NCKIPSD: variants seen among roughly 807,000 people sequenced by gnomAD.
NCKIPSD encodes NCK-interacting protein with SH3 domain.
In NCKIPSD, 48 loss-of-function variants were observed where a neutral mutation model predicts 73.4. The observed-to-expected ratio is 0.65, with a 90% CI of 0.52 to 0.83. The LOEUF is 0.83. NCKIPSD is among the 40% of genes least tolerant of loss of function. The pLI is 0.00. For synonymous variants in NCKIPSD, 422 were observed against 403.6 expected, an observed-to-expected ratio of 1.05 and a Z score of -0.54; for missense variants, 884 against 970.2, an observed-to-expected ratio of 0.91 and a Z score of 1.18.
intron 12 of NCKIPSD, 28 bp downstream of exon 12, chr3:48,678,536 C>G: frequency 6.3e-7 from 1 of 1,590,630 alleles, no homozygotes; most frequent in Non-Finnish European, 8.6e-7. Flanking sequence ...ACACAGTGAC[C>G]CCCGCTGCTG....
chr3:48,674,801 C>T, intron 12 of NCKIPSD, 54 bp from the exon 13 acceptor site: 1 of 1,582,010 alleles, frequency 6.3e-7, no homozygotes, highest in Non-Finnish European at 8.6e-7. Context: ...GCAACCACCA[C>T]TGGACAGGGA....
chr3:48,685,195 G>GGA (rs2077416770), intron 1 of NCKIPSD, among the ~76,000 whole-genome samples: 1 of 2,700 alleles, frequency 3.7e-4, no homozygotes, highest in Admixed American at 9.4e-3. Context: ...AGAAGGAAGG[G>GGA]AGGGAGGGAG....
intron 12 of NCKIPSD, among the ~76,000 whole-genome samples, chr3:48,676,222 C>T (rs1357777399): frequency 2.0e-5 from 3 of 150,014 alleles, no homozygotes; most frequent in Admixed American, 6.6e-5. Context: ...ACCTTGTCAG[C>T]TGGCCTTGTG....
At chr3:48,679,926 G>C (rs2077321385) in intron 6 of NCKIPSD, 39 bp from the exon 7 acceptor site, 1 of 1,613,332 alleles carries the variant, frequency 6.2e-7, no homozygotes, top group South Asian at 1.1e-5. Context: ...GCCACCATGA[G>C]CGGAGCTGTG....
Position 48,679,188 on chromosome 3 carries a change from G to C in NCKIPSD, c.1571-5C>G. ...CGAAAGGCGTGCCCAGGTGCTCTGG[G>C]AGAGGGGCGCACAGAAGTCTGCAGC... On this transcript the variant is annotated splice_region_variant and splice_polypyrimidine_tract_variant and intron_variant, in intron 9 of 12. Transcript: ENST00000294129. 2 of 1,613,820 alleles carry C rather than the reference G, an allele frequency of 1.2e-6. No homozygotes were observed. The highest frequency in any genetic ancestry group is 1.7e-6 in the Non-Finnish European group (2 of 1,179,890).
intron 1 of NCKIPSD, among the ~76,000 whole-genome samples, chr3:48,684,901 G>A (rs1191063909): frequency 1.3e-5 from 2 of 152,066 alleles, no homozygotes; most frequent in Admixed American, 6.6e-5. Flanking sequence ...GAGAAGTCAG[G>A]GTTGGGGAGT....
chr3:48,676,457 C>T (rs777980288), intron 12 of NCKIPSD, among the ~76,000 whole-genome samples: 2 of 152,188 alleles, frequency 1.3e-5, no homozygotes, highest in Non-Finnish European at 2.9e-5. Flanking sequence ...CGGCTCAGAA[C>T]ATGCACCATC....
intron 12 of NCKIPSD, among the ~76,000 whole-genome samples, chr3:48,677,255 G>A (rs754328118): frequency 1.3e-5 from 2 of 151,856 alleles, no homozygotes; most frequent in Non-Finnish European, 2.9e-5. Flanking sequence ...GGGTGTGGTA[G>A]TGGGTGACTG....
chr3:48,682,482 T>G lies in NCKIPSD; in HGVS notation c.352A>C (p.Thr118Pro). 6.2e-7 allele frequency: 1 copy of G among 1,614,008 alleles called. No homozygotes were observed. The highest frequency in any genetic ancestry group is 8.5e-7 in the Non-Finnish European group (1 of 1,179,972). ...GPSASSVAVM[T>P]SSTSDHHLDA... ...AAGTGGTGGTCACTGGTTGATGAGG[T>G]CATAACTGCAACACTGGAGGCTGAA... Residue 118 changes from threonine (T) to proline (P), a missense_variant, in exon 3 of 13, where the codon ACC (threonine) becomes CCC (proline). Physicochemically the swap from Thr to Pro is conservative, Grantham distance 38. Transcript: ENST00000294129.
chr3:48,683,935 G>A (rs2077393474), intron 1 of NCKIPSD, among the ~76,000 whole-genome samples: 1 of 151,742 alleles, frequency 6.6e-6, no homozygotes, highest in Non-Finnish European at 1.5e-5. Context: ...TATGAGGTGT[G>A]CCAGAGTGCA....
intron 12 of NCKIPSD, among the ~76,000 whole-genome samples, chr3:48,677,109 C>A (rs1559490816): frequency 6.6e-6 from 1 of 151,106 alleles, no homozygotes; most frequent in African/African-American, 2.4e-5. Context: ...CTCTCCCTGG[C>A]CAGGCACGGT....
At position 48,678,907 on chromosome 3, in the gene NCKIPSD, C is replaced by T. The variant is rs766319136; in HGVS notation, c.1762G>A (p.Glu588Lys). ...SKHANVKIFS[E>K]KLLLLLNRGD... is the part of the protein sequence containing the mutation. ...CTGTTCAGGAGCAACAACAGCTTCT[C>T]GGAGAAGATCTTGACATTGGCGTGT... Residue 588 changes from glutamate to lysine, a missense_variant, in exon 11 of 13, where the codon GAG becomes AAG. Glu to Lys is a moderately conservative substitution (Grantham distance 56, BLOSUM62 1). Coordinates refer to ENST00000294129, the MANE Select transcript of NCKIPSD (RefSeq NM_016453.4). 2.5e-6 allele frequency: 4 copies of T among 1,613,950 alleles called. No individual in the cohort carries two copies. The highest frequency in any genetic ancestry group is 1.1e-5 in the South Asian group (1 of 91,068).
rs150917205 is a variant in NCKIPSD at position 48,682,077 on chromosome 3, C to T, written c.566G>A (p.Arg189Gln). The change falls in exon 4 of 13, where the codon CGA (arginine) becomes CAA (glutamine). Residue 189 changes from arginine to glutamine, a missense_variant. By Grantham distance (43) the Arg-to-Gln change is conservative. Transcript: ENST00000294129. Reference sequence around the variant, plus strand: ...AGAGGCCATCAGGGCCTCGCGGTCTCGGCGCTTCACTGGTGGGGGCGGTGT... The same window carrying T: ...AGAGGCCATCAGGGCCTCGCGGTCTTGGCGCTTCACTGGTGGGGGCGGTGT... ...PTTPPPPVKR[R>Q]DREALMASGS... The T allele has an allele frequency of 1.1e-4, 170 of 1,601,648 alleles. 2 individuals carry two copies. Among genetic ancestry groups the T allele is most frequent in the East Asian group, 3.1e-4 (14 of 44,852 alleles).
intron 1 of NCKIPSD, among the ~76,000 whole-genome samples, chr3:48,683,741 G>C (rs977597867): frequency 1.3e-5 from 2 of 152,144 alleles, no homozygotes; most frequent in South Asian, 4.1e-4. Flanking sequence ...TCTGACATGG[G>C]GAGTGTAGGG....
chr3:48,682,304 A>C, intron 3 of NCKIPSD, 44 bp downstream of exon 3: 1 of 1,608,042 alleles, frequency 6.2e-7, no homozygotes, highest in East Asian at 2.2e-5. Context: ...ATGAAGCCTC[A>C]AGTTCCACCC....
Position 48,674,715 on chromosome 3 carries a change from A to C in NCKIPSD, c.1998T>G (p.Ala666=). 1 of 1,614,040 alleles carries C rather than the reference A, an allele frequency of 6.2e-7. No homozygotes were observed. The highest frequency in any genetic ancestry group is 8.5e-7 in the Non-Finnish European group (1 of 1,179,990). ...LRMEYLSLMH[A]IVRTTPYLQH... ...GCAGGTAGGGTGTGGTGCGGACTAT[A>C]GCATGCATCAGGGAGAGGTACTCCA... The change falls in exon 13 of 13, where the codon GCT becomes GCG. Residue 666 remains alanine (A), a synonymous_variant. Coordinates refer to ENST00000294129, the MANE Select transcript of NCKIPSD (RefSeq NM_016453.4).
rs2077217643 is a variant in NCKIPSD, at chr3:48,674,250, C to CT, written c.*293dup. Reference sequence around the variant, plus strand: ...TCCAGCCTGGAGCGGCAGCAGGACTCTGAGTGTACACATGGGTGTGGGGTG... The same window carrying CT: ...TCCAGCCTGGAGCGGCAGCAGGACTCTTGAGTGTACACATGGGTGTGGGGTG... On this transcript the variant is annotated 3_prime_UTR_variant, in exon 13 of 13. Transcript: ENST00000294129. 8.5e-6 allele frequency: 11 copies of CT among 1,294,788 alleles called. No individual in the cohort carries two copies. The South Asian group carries it at 1.8e-4, about 21-fold the overall frequency. The allele number at this position is 1,294,788 out of a possible 1,614,324, so 80.2% of individuals were successfully genotyped here.
intron 11 of NCKIPSD, 48 bp downstream of exon 11, chr3:48,678,829 A>T (rs1283216701): frequency 2.5e-6 from 4 of 1,613,442 alleles, no homozygotes; most frequent in Non-Finnish European, 3.4e-6. Flanking sequence ...GGGGTCATGG[A>T]GTCACAGGGC....
At chr3:48,678,840 A>G (rs1469106238) in intron 11 of NCKIPSD, 37 bp downstream of exon 11, 1 of 1,613,754 alleles carries the variant, frequency 6.2e-7, no homozygotes, top group African/African-American at 1.3e-5. Context: ...GTCACAGGGC[A>G]TGGAAGTGGT....
Sources: gnomAD v4.1 joint callset for allele counts (sites outside exome capture counted in the v4.1 genomes callset) on GRCh38, gnomAD v4.1.1 for gene constraint, MANE v1.5 for transcripts, NCBI Gene and HGNC (gene_info 2026-07-23, HGNC 2026-07-21) for gene names.